The following ADSS1 variants were observed in gnomAD, a reference collection of about 807,000 sequenced individuals.
ADSS1 encodes the protein adenylosuccinate synthetase isozyme 1.
Under a neutral mutation model 59.1 loss-of-function variants are expected in ADSS1, and 57 were observed. That is an observed-to-expected ratio of 0.97 (90% CI 0.78 to 1.20). ADSS1 has a LOEUF of 1.20. ADSS1 is among the 50% of genes most tolerant of loss of function. ADSS1 has a pLI of 0.00. For synonymous variants in ADSS1, 247 were observed against 249.4 expected, an observed-to-expected ratio of 0.99 and a Z score of 0.09; for missense variants, 603 against 610.3, an observed-to-expected ratio of 0.99 and a Z score of 0.13.
rs761679828 is a variant in ADSS1 at position 104,741,856 on chromosome 14, C to A, written c.802C>A (p.Pro268Thr). 1.2e-6 allele frequency: 2 copies of A among 1,613,168 alleles called. No homozygotes were observed. Among genetic ancestry groups the A allele is most frequent in the East Asian group, 2.2e-5 (1 of 44,896 alleles). The part of the protein sequence containing the change: ...ALLDIDFGTY[P>T]FVTSSNCTVG... The stretch of plus-strand genomic sequence containing the variant: ...CCTGCTCTGTCTTGCAGGGACCTAC[C>A]CCTTTGTGACTTCATCCAACTGCAC... Residue 268 changes from proline (P) to threonine (T), a missense_variant, in exon 9 of 13, where the codon CCC becomes ACC. Coordinates refer to ENST00000330877, the MANE Select transcript of ADSS1 (RefSeq NM_152328.5).
intron 5 of ADSS1, 71 bp downstream of exon 5, chr14:104,739,887 G>A: frequency 6.5e-7 from 1 of 1,539,018 alleles, no homozygotes; most frequent in Non-Finnish European, 9.0e-7. Context: ...TGTGGGGCGT[G>A]TCTGGTCCTG....
intron 1 of ADSS1, among the ~76,000 whole-genome samples, chr14:104,727,709 C>T (rs1890756864): frequency 6.6e-6 from 1 of 152,200 alleles, no homozygotes; most frequent in South Asian, 2.1e-4. Context: ...GGCAGGTGCA[C>T]CTGGGTCTCC....
At position 104,741,232 on chromosome 14, in the gene ADSS1, A is replaced by C. The variant is rs751342846; in HGVS notation, c.782A>C (p.Asp261Ala). ...GAGGGTGCCAACGCCGCCCTCCTCGACATTGACTTCGGTATGTCCGGGAGG... is the reference window on the plus strand; with the variant it reads ...GAGGGTGCCAACGCCGCCCTCCTCGCCATTGACTTCGGTATGTCCGGGAGG... ...LVEGANAALL[D>A]IDFGTYPFVT... Residue 261 changes from aspartate (D) to alanine (A), a missense_variant, in exon 8 of 13, where the codon GAC becomes GCC. Physicochemically the swap from Asp to Ala is moderately radical, Grantham distance 126. Transcript: ENST00000330877. 6.3e-7 allele frequency: 1 copy of C among 1,597,154 alleles called. No individual in the cohort carries two copies. The highest frequency in any genetic ancestry group is 1.8e-5 in the Admixed American group (1 of 56,954).
chr14:104,735,050 G>A lies in ADSS1; in HGVS notation c.223G>A (p.Val75Met). 1 of 1,613,658 alleles carries A rather than the reference G, an allele frequency of 6.2e-7. No homozygotes were observed. Among genetic ancestry groups the A allele is most frequent in the Non-Finnish European group, 8.5e-7 (1 of 1,179,788 alleles). Residue 75 changes from valine to methionine, a missense_variant, in exon 2 of 13, where the codon GTG becomes ATG. By Grantham distance (21) the Val-to-Met change is conservative. Coordinates refer to ENST00000330877, the MANE Select transcript of ADSS1 (RefSeq NM_152328.5). ...CAACAACGCCGGCCACACGGTGGTG[G>A]TGGATGGGAAAGAGTACGACTTCCA... ...GGNNAGHTVV[V>M]DGKEYDFHLL...
intron 1 of ADSS1, among the ~76,000 whole-genome samples, chr14:104,733,629 G>T (rs2140772376): frequency 6.6e-6 from 1 of 152,310 alleles, no homozygotes; most frequent in South Asian, 2.1e-4. Context: ...CCTCTGCCGG[G>T]CAGAGAGCAG....
chr14:104,725,577 CAGT>C (rs1356843506), intron 1 of ADSS1, among the ~76,000 whole-genome samples: 1 of 152,138 alleles, frequency 6.6e-6, no homozygotes, highest in Non-Finnish European at 1.5e-5. Context: ...CTTCCTGGAA[CAGT>C]GGGGGACCTC....
intron 4 of ADSS1, 22 bp from the exon 5 acceptor site, chr14:104,739,728 C>A: frequency 6.2e-7 from 1 of 1,613,626 alleles, no homozygotes; most frequent in Non-Finnish European, 8.5e-7. Flanking sequence ...CTCCTGCTGC[C>A]CTCACCTGGC....
At chr14:104,734,991 C>A (rs1265930909) in intron 1 of ADSS1, 29 bp from the exon 2 acceptor site, 2 of 1,603,136 alleles carry the variant, frequency 1.2e-6, no homozygotes, top group Non-Finnish European at 8.5e-7. Flanking sequence ...TACCCAAGTG[C>A]CTTCAGCTCA....
rs555999828 is a variant in ADSS1, at chr14:104,733,647, T to C, written c.193-1373T>C. Among the ~76,000 whole-genome samples the C allele has an allele frequency of 2.6e-5, 4 of 152,236 alleles. No homozygotes were observed. The South Asian group carries it at 8.3e-4, about 32-fold the overall frequency. On this transcript the variant is annotated intron_variant, in intron 1 of 12. Transcript: ENST00000330877. ...CTGCCGGGCAGAGAGCAGTGGGGTG[T>C]GGCTGGGAGAATCCCCCATGCGTAG... is the stretch of plus-strand genomic sequence containing the variant.
At chr14:104,733,202 C>T (rs1890993075) in intron 1 of ADSS1, among the ~76,000 whole-genome samples, 2 of 152,188 alleles carry the variant, frequency 1.3e-5, no homozygotes, top group African/African-American at 4.8e-5. Flanking sequence ...AGGATCCCCA[C>T]CCAGTTCACC....
At chr14:104,730,057 G>T in intron 1 of ADSS1, 1 of 1,569,024 alleles carries the variant, frequency 6.4e-7, no homozygotes, top group Non-Finnish European at 8.6e-7. Context: ...TGCCAGCTCA[G>T]CCCACCCCTC....
chr14:104,731,566 C>T (rs1177084795), intron 1 of ADSS1, among the ~76,000 whole-genome samples: 1 of 152,194 alleles, frequency 6.6e-6, no homozygotes, highest in African/African-American at 2.4e-5. Context: ...GTGCCCATGG[C>T]CTTCCCAGAG....
intron 1 of ADSS1, among the ~76,000 whole-genome samples, chr14:104,734,287 G>C (rs1891037728): frequency 6.6e-6 from 1 of 152,232 alleles, no homozygotes; most frequent in Non-Finnish European, 1.5e-5. Context: ...CTGCTGAGCA[G>C]AGCCAAGCAA....
At chr14:104,732,074 A>G (rs992106191) in intron 1 of ADSS1, among the ~76,000 whole-genome samples, 1 of 152,160 alleles carries the variant, frequency 6.6e-6, no homozygotes, top group African/African-American at 2.4e-5. Context: ...GGCAGCTCCA[A>G]AAGAAGGTCC....
intron 1 of ADSS1, among the ~76,000 whole-genome samples, chr14:104,730,888 G>A (rs1048877845): frequency 6.7e-6 from 1 of 149,486 alleles, no homozygotes; most frequent in Non-Finnish European, 1.5e-5. Context: ...TAAACTCCCT[G>A]CCACCAGGGA....
rs1891386942 is a variant in ADSS1 at position 104,742,077 on chromosome 14, G to A, written c.948+75G>A. ...AGGGGTGCCGGGGGTGGGGTGAGCA[G>A]TGCCAGGGTGGAGGCTCTGCGGACC... On this transcript the variant is annotated intron_variant, in intron 9 of 12. Transcript: ENST00000330877. The A allele has an allele frequency of 1.9e-6, 3 of 1,566,966 alleles. No individual in the cohort carries two copies. The Admixed American group carries it at 5.2e-5, about 27-fold the overall frequency.
Position 104,741,129 on chromosome 14 carries a change from C to A in ADSS1, c.679C>A (p.Arg227=). 1.2e-6 allele frequency: 2 copies of A among 1,603,836 alleles called. No homozygotes were observed. The highest frequency in any genetic ancestry group is 2.2e-5 in the South Asian group (2 of 90,110). ...QLKRLKGFAE[R]IRPMVRDGVY... is the part of the protein sequence containing the mutation. ...CCCTTCCTTGCAGGGCTTTGCTGAGCGGATCAGACCCATGGTCCGAGATGG... is the reference window on the plus strand; with the variant it reads ...CCCTTCCTTGCAGGGCTTTGCTGAGAGGATCAGACCCATGGTCCGAGATGG... The change falls in exon 8 of 13, where the codon CGG becomes AGG. Residue 227 remains arginine, a synonymous_variant. Coordinates refer to ENST00000330877, the MANE Select transcript of ADSS1 (RefSeq NM_152328.5).
At chr14:104,742,067 G>A in intron 9 of ADSS1, 65 bp downstream of exon 9, 2 of 1,586,148 alleles carry the variant, frequency 1.3e-6, no homozygotes, top group Non-Finnish European at 1.7e-6. Context: ...TGCCGGGGGT[G>A]GGGTGAGCAG....
chr14:104,746,421 C>T lies in ADSS1; in HGVS notation c.1321+36C>T, dbSNP rs201357636. ...TGCATCCCCAGCCACCCTCCCTGCA[C>T]CCTGGATGCCCCAAGGGGCCCACAT... On this transcript the variant is annotated intron_variant, in intron 12 of 12. Coordinates refer to ENST00000330877, the MANE Select transcript of ADSS1 (RefSeq NM_152328.5). 20 of 1,588,618 alleles carry T rather than the reference C, an allele frequency of 1.3e-5. No individual in the cohort carries two copies. In the East Asian group the frequency reaches 3.8e-4, roughly 30 times the overall value.
Sources: allele counts gnomAD v4.1 joint callset (sites outside exome capture counted in the v4.1 genomes callset), GRCh38; gene constraint gnomAD v4.1.1; transcripts MANE v1.5; gene names NCBI Gene and HGNC (gene_info 2026-07-23, HGNC 2026-07-21).